SLC20A2: variants seen among roughly 807,000 people sequenced by gnomAD.
SLC20A2 encodes the protein sodium-dependent phosphate transporter 2.
SLC20A2 carries 30 observed loss-of-function variants against 61.0 expected under a neutral mutation model. The observed-to-expected ratio is 0.49, with a 90% CI of 0.37 to 0.67. The LOEUF is 0.67. Ranked by LOEUF, SLC20A2 falls within the 30% of genes least tolerant of loss-of-function variation. The pLI, the probability that SLC20A2 is intolerant of heterozygous loss-of-function variation, is 0.00. For synonymous variants in SLC20A2, 351 were observed against 353.3 expected (o/e 0.99, Z 0.07); for missense variants, 626 against 866.4 (o/e 0.72, Z 3.48).
intron 5 of SLC20A2, among the ~76,000 whole-genome samples, chr8:42,459,189 T>TA (rs1315076873): frequency 1.4e-4 from 17 of 122,454 alleles, no homozygotes; most frequent in African/African-American, 5.6e-4. Flanking sequence ...TTTTCCAAGA[T>TA]AGCGCGATTG....
At chr8:42,525,719 T>C (rs1278215376) in intron 1 of SLC20A2, among the ~76,000 whole-genome samples, 2 of 151,682 alleles carry the variant, frequency 1.3e-5, no homozygotes, top group Non-Finnish European at 2.9e-5. Flanking sequence ...TCAATTGCCA[T>C]CAATAAGGGA....
At chr8:42,505,055 C>T (rs888732045), upstream of SLC20A2, among the ~76,000 whole-genome samples, 1 of 149,688 alleles carries the variant, frequency 6.7e-6, no homozygotes, top group African/African-American at 2.5e-5. Flanking sequence ...GCTATGGCTA[C>T]AGCGGGGAGA....
In SLC20A2 at chr8:42,430,201, G is replaced by A. The variant is rs116795654; in HGVS notation, c.1572C>T (p.Gly524=). 378 of 1,613,754 alleles carry A rather than the reference G, an allele frequency of 2.3e-4. No homozygotes were observed. The highest frequency in any genetic ancestry group is 2.9e-4 in the Non-Finnish European group (341 of 1,179,890). The change falls in exon 9 of 11, where the codon GGC becomes GGT. Residue 524 remains glycine (G), a synonymous_variant. Coordinates refer to ENST00000520262, the MANE Select transcript of SLC20A2 (RefSeq NM_001257180.2). The part of the protein sequence containing the change: ...LVALWLIYKQ[G]GVTQEAATPV... ...GTGTAGCTGCTTCTTGCGTTACCCC[G>A]CCTTGTTTGTAAATCAGCCACAAGG...
chr8:42,520,918 G>C (rs913818127), intron 1 of SLC20A2, among the ~76,000 whole-genome samples: 2 of 120,816 alleles, frequency 1.7e-5, no homozygotes, highest in African/African-American at 5.1e-5. Flanking sequence ...ATAAGACAGG[G>C]TTCTATATGT....
In SLC20A2 at chr8:42,492,711, C is replaced by T. The variant is rs192259413; in HGVS notation, c.-265+8320G>A. Among the ~76,000 whole-genome samples the T allele has an allele frequency of 5.0e-3, 757 of 150,238 alleles. 7 individuals are homozygous for T. Among genetic ancestry groups the T allele is most frequent in the African/African-American group, 0.017 (675 of 40,764 alleles). On this transcript the variant is annotated intron_variant, in intron 1 of 10. Transcript: ENST00000520262. ...TGGTTTTCTTTTTTTTTTTTTGAGA[C>T]GGAGTTTCGCTCTGTCACCCAGGCT...
At chr8:42,430,608 A>T (rs1458034967) in intron 8 of SLC20A2, among the ~76,000 whole-genome samples, 1 of 152,006 alleles carries the variant, frequency 6.6e-6, no homozygotes, top group East Asian at 1.9e-4. Flanking sequence ...TGATCTGCCC[A>T]CCTTGGCTTC....
At chr8:42,498,264 G>T (rs1281437944) in intron 1 of SLC20A2, among the ~76,000 whole-genome samples, 1 of 152,188 alleles carries the variant, frequency 6.6e-6, no homozygotes, top group Non-Finnish European at 1.5e-5. Context: ...GGGGGGCAAG[G>T]CTTCTGGGGT....
At chr8:42,505,194 C>T (rs2131359387), upstream of SLC20A2, among the ~76,000 whole-genome samples, 1 of 151,908 alleles carries the variant, frequency 6.6e-6, no homozygotes, top group East Asian at 1.9e-4. Flanking sequence ...CTGCAACCTC[C>T]ACCTCCCAGG....
intron 5 of SLC20A2, among the ~76,000 whole-genome samples, chr8:42,455,255 TATAGAGAGAGAGAGAGAG>T (rs1269245081): frequency 5.2e-5 from 5 of 97,046 alleles, no homozygotes; most frequent in Non-Finnish European, 1.0e-4. Flanking sequence ...TATATATATA[TATAGAGAGAGAGAGAGAG>T]AGAGAGAGAG....
At chr8:42,470,593 A>G (rs369030791) in intron 2 of SLC20A2, among the ~76,000 whole-genome samples, 2 of 152,126 alleles carry the variant, frequency 1.3e-5, no homozygotes, top group African/African-American at 4.8e-5. Flanking sequence ...CCTTAGTACA[A>G]CAGGCTGCTT....
intron 5 of SLC20A2, among the ~76,000 whole-genome samples, chr8:42,456,918 A>AT (rs1030718699): frequency 1.4e-4 from 21 of 150,976 alleles, no homozygotes; most frequent in Non-Finnish European, 1.9e-4. Flanking sequence ...CTTAAAACAA[A>AT]TTTTTTTGTT....
rs150074657 is a variant in SLC20A2 at position 42,498,601 on chromosome 8, C to T, written c.-265+2430G>A. Among the ~76,000 whole-genome samples, 592 of 152,226 alleles carry T rather than the reference C, an allele frequency of 3.9e-3. 4 individuals carry two copies. The highest frequency in any genetic ancestry group is 0.01 in the African/African-American group (426 of 41,528). On this transcript the variant is annotated intron_variant, in intron 1 of 10. Transcript: ENST00000520262. ...ATGCTAAATAATGACAGCAGTACCC[C>T]GTATGCCCGAGAAATCAGCCTTCCT...
chr8:42,439,377 C>T, intron 7 of SLC20A2, 73 bp downstream of exon 7: 2 of 1,458,412 alleles, frequency 1.4e-6, no homozygotes, highest in Non-Finnish European at 1.9e-6. Flanking sequence ...TGCCCACACC[C>T]AGGCCCAGCT....
intron 1 of SLC20A2, among the ~76,000 whole-genome samples, chr8:42,477,994 T>C (rs1353159115): frequency 1.3e-5 from 2 of 151,812 alleles, no homozygotes; most frequent in Non-Finnish European, 2.9e-5. Flanking sequence ...CAAGCCATTC[T>C]CCTGCCTCAG....
intron 1 of SLC20A2, among the ~76,000 whole-genome samples, chr8:42,487,182 T>C (rs1415878423): frequency 1.4e-5 from 2 of 140,548 alleles, no homozygotes; most frequent in Non-Finnish European, 3.1e-5. Context: ...CTTTCTTTTT[T>C]TTTTTTTTTT....
chr8:42,532,250 C>G (rs1298874837), intron 1 of SLC20A2, among the ~76,000 whole-genome samples: 6 of 152,032 alleles, frequency 3.9e-5, no homozygotes, highest in Admixed American at 6.6e-5. Flanking sequence ...TTTCAGGGAC[C>G]GTTTATCTAA....
chr8:42,500,194 G>A (rs1810232549), intron 1 of SLC20A2, among the ~76,000 whole-genome samples: 1 of 152,182 alleles, frequency 6.6e-6, no homozygotes, highest in African/African-American at 2.4e-5. Flanking sequence ...ACATTTACTT[G>A]CTAATTGATA....
chr8:42,537,509 AAAT>A (rs1563559262), intron 1 of SLC20A2: 2 of 152,202 alleles, frequency 1.3e-5, no homozygotes, highest in Non-Finnish European at 2.9e-5. Context: ...TTAAAAAAAG[AAAT>A]GCAGTAAGAT....
At chr8:42,511,955 T>A (rs2974294) in intron 1 of SLC20A2, among the ~76,000 whole-genome samples, 1 of 151,872 alleles carries the variant, frequency 6.6e-6, no homozygotes, top group African/African-American at 2.4e-5. Flanking sequence ...CCAATAATTA[T>A]AATAATCCAA....
Sources: allele counts gnomAD v4.1 joint callset (sites outside exome capture counted in the v4.1 genomes callset), GRCh38; gene constraint gnomAD v4.1.1; transcripts MANE v1.5; gene names NCBI Gene and HGNC (gene_info 2026-07-23, HGNC 2026-07-21).